The following TBC1D4 variants were observed in gnomAD, a reference collection of about 807,000 sequenced individuals.
TBC1D4 encodes TBC1 domain family member 4, also known as TBC (Tre-2, BUB2, CDC16) domain-containing protein.
In TBC1D4, 121 loss-of-function variants were observed where a neutral mutation model predicts 142.5. That is an observed-to-expected ratio of 0.85 (90% CI 0.73 to 0.99). TBC1D4 has a LOEUF of 0.99. Ranked by LOEUF, TBC1D4 falls within the 50% of genes least tolerant of loss-of-function variation. TBC1D4 has a pLI of 0.00. For synonymous variants in TBC1D4, 630 were observed against 628.2 expected (o/e 1.00, Z -0.04); for missense variants, 1,475 against 1,606.6 (o/e 0.92, Z 1.40).
rs547934736 is a variant in TBC1D4 at position 75,314,081 on chromosome 13, G to T, written c.2223-1183C>A. On this transcript the variant is annotated intron_variant, in intron 12 of 20. Coordinates refer to ENST00000377636, the MANE Select transcript of TBC1D4 (RefSeq NM_014832.5). ...CCTAAAAAAGACCACTTTGAGTTAT[G>T]CTAGGCCTATCTGCAAAAAAAGGTC... 2.6e-3 allele frequency among the ~76,000 whole-genome samples: 395 copies of T among 152,202 alleles called. 2 individuals are homozygous for T. The highest frequency in any genetic ancestry group is 8.4e-3 in the African/African-American group (348 of 41,530).
At chr13:75,358,849 G>A (rs1882278541) in intron 3 of TBC1D4, among the ~76,000 whole-genome samples, 1 of 152,008 alleles carries the variant, frequency 6.6e-6, no homozygotes, top group Non-Finnish European at 1.5e-5. Flanking sequence ...GGATGACAGA[G>A]GAAGACCCTG....
intron 1 of TBC1D4, among the ~76,000 whole-genome samples, chr13:75,415,696 T>C (rs1220394650): frequency 6.6e-6 from 1 of 152,222 alleles, no homozygotes; most frequent in Non-Finnish European, 1.5e-5. Flanking sequence ...ACAAAATTTC[T>C]TGAAATCGGA....
chr13:75,410,214 T>G (rs2138394079), intron 1 of TBC1D4, among the ~76,000 whole-genome samples: 1 of 152,322 alleles, frequency 6.6e-6, no homozygotes, highest in Admixed American at 6.5e-5. Context: ...TTAAAAGCTT[T>G]CCTATATTAC....
intron 18 of TBC1D4, among the ~76,000 whole-genome samples, chr13:75,293,051 A>T (rs1402615579): frequency 2.6e-5 from 4 of 152,212 alleles, no homozygotes; most frequent in Non-Finnish European, 5.9e-5. Flanking sequence ...GCTACTCGGG[A>T]GGCTGAGGCA....
At chr13:75,481,195 T>TGGC in intron 1 of TBC1D4, 75 bp downstream of exon 1, 19 of 1,292,668 alleles carry the variant, frequency 1.5e-5, no homozygotes, top group African/African-American at 2.9e-5. Context: ...TAAAGTGGGG[T>TGGC]CCCCGCCCCT....
chr13:75,462,987 T>C (rs1888032104), intron 1 of TBC1D4, among the ~76,000 whole-genome samples: 1 of 152,130 alleles, frequency 6.6e-6, no homozygotes, highest in Non-Finnish European at 1.5e-5. Flanking sequence ...AACCTTATGA[T>C]TACAGGCTGA....
chr13:75,459,021 G>T (rs17071227), intron 1 of TBC1D4, among the ~76,000 whole-genome samples: 2 of 151,848 alleles, frequency 1.3e-5, no homozygotes, highest in African/African-American at 2.4e-5. Context: ...CTCTCTTGTC[G>T]CAATCTGGCT....
chr13:75,346,979 C>T (rs1204659948), intron 5 of TBC1D4, among the ~76,000 whole-genome samples: 1 of 152,092 alleles, frequency 6.6e-6, no homozygotes, highest in Non-Finnish European at 1.5e-5. Flanking sequence ...TCCAATTTTC[C>T]ATTATTTACA....
At chr13:75,319,343 T>C (rs1236081549) in intron 12 of TBC1D4, among the ~76,000 whole-genome samples, 1 of 152,154 alleles carries the variant, frequency 6.6e-6, no homozygotes, top group Non-Finnish European at 1.5e-5. Flanking sequence ...AAAAGCAACA[T>C]GTAGAAACTG....
At chr13:75,302,677 T>C in intron 15 of TBC1D4, 1 of 490,888 alleles carries the variant, frequency 2.0e-6, no homozygotes, top group East Asian at 3.8e-5. Context: ...AAAACATTTA[T>C]TGAGGGTGCC....
intron 10 of TBC1D4, among the ~76,000 whole-genome samples, chr13:75,325,058 C>G (rs1198680975): frequency 6.6e-6 from 1 of 151,798 alleles, no homozygotes; most frequent in Non-Finnish European, 1.5e-5. Context: ...ATGTGGAAAA[C>G]AGAGGGAAGG....
chr13:75,390,457 G>A (rs1339127355), intron 1 of TBC1D4, among the ~76,000 whole-genome samples: 1 of 152,026 alleles, frequency 6.6e-6, no homozygotes, highest in East Asian at 1.9e-4. Context: ...CTGCTGAAGA[G>A]TATTCTCAAA....
chr13:75,422,171 T>C (rs1042640262), intron 1 of TBC1D4, among the ~76,000 whole-genome samples: 2 of 152,176 alleles, frequency 1.3e-5, no homozygotes, highest in African/African-American at 2.4e-5. Flanking sequence ...CTGACCCAGA[T>C]TGCAAAATAC....
intron 1 of TBC1D4, among the ~76,000 whole-genome samples, chr13:75,409,655 T>C (rs2138388567): frequency 6.6e-6 from 1 of 152,360 alleles, no homozygotes; most frequent in Non-Finnish European, 1.5e-5. Flanking sequence ...ACACGGAATC[T>C]TAAATATAAT....
At chr13:75,472,104 CT>C (rs1163272052) in intron 1 of TBC1D4, among the ~76,000 whole-genome samples, 2 of 32,790 alleles carry the variant, frequency 6.1e-5, no homozygotes, top group Admixed American at 8.9e-4. Context: ...CAGACTCTGT[CT>C]CAAAAAAAAA....
intron 1 of TBC1D4, among the ~76,000 whole-genome samples, chr13:75,401,438 T>C (rs1391668702): frequency 1.3e-5 from 2 of 152,226 alleles, no homozygotes; most frequent in Non-Finnish European, 2.9e-5. Flanking sequence ...TGCCTGATAC[T>C]ACATGACCTT....
intron 1 of TBC1D4, among the ~76,000 whole-genome samples, chr13:75,398,107 A>T (rs1884894347): frequency 6.6e-6 from 1 of 152,222 alleles, no homozygotes; most frequent in Non-Finnish European, 1.5e-5. Context: ...AAGGCTTCAC[A>T]CACAAGAGGG....
intron 17 of TBC1D4, among the ~76,000 whole-genome samples, chr13:75,298,179 A>G (rs563356234): frequency 2.6e-4 from 40 of 152,358 alleles, no homozygotes; most frequent in Admixed American, 2.4e-3. Flanking sequence ...ATGAACTGGG[A>G]GTCATGCATA....
At chr13:75,314,022 A>G (rs1452979459) in intron 12 of TBC1D4, among the ~76,000 whole-genome samples, 1 of 152,158 alleles carries the variant, frequency 6.6e-6, no homozygotes, top group Non-Finnish European at 1.5e-5. Context: ...ATTAGTGCAT[A>G]AGAAAATGCT....
Sources: allele counts gnomAD v4.1 joint callset (sites outside exome capture counted in the v4.1 genomes callset), GRCh38; gene constraint gnomAD v4.1.1; transcripts MANE v1.5; gene names NCBI Gene and HGNC (gene_info 2026-07-23, HGNC 2026-07-21).